MOB4: variants seen among roughly 807,000 people sequenced by gnomAD.
The protein encoded by MOB4 is MOB-like protein phocein.
A neutral mutation model predicts 32.2 loss-of-function variants in MOB4; 4 were observed. That is an observed-to-expected ratio of 0.12 (90% CI 0.06 to 0.28). The LOEUF is 0.28. Ranked by LOEUF, MOB4 falls within the 10% of genes least tolerant of loss-of-function variation. The pLI is 1.00. For synonymous variants in MOB4, 88 were observed against 88.1 expected, an observed-to-expected ratio of 1.00 and a Z score of 0.01; for missense variants, 158 against 271.2, an observed-to-expected ratio of 0.58 and a Z score of 2.93.
In MOB4 at chr2:197,550,606, A is replaced by T; in HGVS notation, c.638A>T (p.Glu213Val). ...KDNLIVPILEEEVQNSVSGES... is the reference protein window; with the variant it reads ...KDNLIVPILEVEVQNSVSGES... ...AACCTGATTGTACCAATTTTAGAAG[A>T]GGAAGTACAGAATTCAGTTTCTGGG... The change falls in exon 8 of 8, where the codon GAG (glutamate) becomes GTG (valine). Residue 213 changes from glutamate to valine, a missense_variant. Glu to Val is a moderately radical substitution (Grantham distance 121). Transcript: ENST00000323303. 6.2e-7 allele frequency: 1 copy of T among 1,605,646 alleles called. No individual in the cohort carries two copies.
chr2:197,533,657 G>A (rs897849291), intron 2 of MOB4: 2 of 224,614 alleles, frequency 8.9e-6, no homozygotes, highest in East Asian at 1.1e-4. Context: ...CCCGGCAGGC[G>A]GAGGTTGCAG....
At chr2:197,534,831 C>A (rs907281801) in intron 2 of MOB4, among the ~76,000 whole-genome samples, 1 of 152,106 alleles carries the variant, frequency 6.6e-6, no homozygotes, top group African/African-American at 2.4e-5. Flanking sequence ...GCATGAGCCC[C>A]GACGCCCGGC....
intron 5 of MOB4, 54 bp from the exon 6 acceptor site, chr2:197,548,282 C>A: frequency 6.7e-7 from 1 of 1,493,762 alleles, no homozygotes; most frequent in South Asian, 1.2e-5. Context: ...ATGAATATAT[C>A]TAACTTAAGA....
At position 197,541,178 on chromosome 2, in the gene MOB4, G is replaced by A. The variant is rs185555940; in HGVS notation, c.354+741G>A. ...AGTCTCCCAAAGTGCTGGGATTACAGGTGTGAACCACTGTGCCTGGCCTAC... is the reference window on the plus strand; with the variant it reads ...AGTCTCCCAAAGTGCTGGGATTACAAGTGTGAACCACTGTGCCTGGCCTAC... On this transcript the variant is annotated intron_variant, in intron 5 of 7. Coordinates refer to ENST00000323303, the MANE Select transcript of MOB4 (RefSeq NM_015387.5). 2.2e-3 allele frequency among the ~76,000 whole-genome samples: 342 copies of A among 152,100 alleles called. 1 individual carries two copies. The highest frequency in any genetic ancestry group is 8.0e-3 in the African/African-American group (334 of 41,504).
intron 5 of MOB4, 21 bp from the exon 6 acceptor site, chr2:197,548,315 T>A (rs758591936): frequency 6.3e-7 from 1 of 1,593,474 alleles, no homozygotes; most frequent in East Asian, 2.3e-5. Flanking sequence ...TTGATGCATT[T>A]CTATATTCTT....
intron 1 of MOB4, among the ~76,000 whole-genome samples, chr2:197,519,001 G>A (rs1455216554): frequency 6.6e-6 from 1 of 151,828 alleles, no homozygotes; most frequent in Non-Finnish European, 1.5e-5. Flanking sequence ...CTCGTGATCC[G>A]CCCGTCTCGG....
At chr2:197,546,701 A>G (rs2086999543) in intron 5 of MOB4, among the ~76,000 whole-genome samples, 1 of 152,200 alleles carries the variant, frequency 6.6e-6, no homozygotes, top group Non-Finnish European at 1.5e-5. Flanking sequence ...CATTGGGCCT[A>G]GAAAATTTAA....
chr2:197,530,462 G>A (rs2086681709), intron 2 of MOB4, among the ~76,000 whole-genome samples: 1 of 150,856 alleles, frequency 6.6e-6, no homozygotes, highest in African/African-American at 2.4e-5. Context: ...ATGTGGTCTC[G>A]CTATGTTGCC....
intron 5 of MOB4, among the ~76,000 whole-genome samples, chr2:197,546,904 AT>A (rs2087004662): frequency 6.6e-6 from 1 of 152,060 alleles, no homozygotes; most frequent in Non-Finnish European, 1.5e-5. Flanking sequence ...TGTTCTGTGT[AT>A]TATATAGTGT....
At position 197,539,060 on chromosome 2, in the gene MOB4, A is replaced by AT. The variant is rs201112705; in HGVS notation, c.225-1042dup. On this transcript the variant is annotated intron_variant, in intron 3 of 7. Coordinates refer to ENST00000323303, the MANE Select transcript of MOB4 (RefSeq NM_015387.5). Reference sequence around the variant, plus strand: ...TCCTGTTTTTTTCTTTTTTGGGGGGATTTTTTTTTGTCTTCTGATTATATA... The same window carrying AT: ...TCCTGTTTTTTTCTTTTTTGGGGGGATTTTTTTTTTGTCTTCTGATTATATA... 4.4e-4 allele frequency among the ~76,000 whole-genome samples: 66 copies of AT among 148,682 alleles called. No homozygotes were observed. The Middle Eastern group carries it at 0.01, about 23-fold the overall frequency.
At chr2:197,536,684 C>G (rs1350334494) in intron 3 of MOB4, among the ~76,000 whole-genome samples, 2 of 147,032 alleles carry the variant, frequency 1.4e-5, no homozygotes, top group African/African-American at 5.1e-5. Context: ...TCACCACAAC[C>G]TCTGCCTCCC....
Position 197,551,341 on chromosome 2 carries a change from G to T in MOB4, c.*695G>T, listed in dbSNP as rs1016204809. 2.6e-5 allele frequency: 4 copies of T among 152,672 alleles called. No homozygotes were observed. The highest frequency in any genetic ancestry group is 1.3e-4 in the Admixed American group (2 of 15,260). The allele number at this position is 152,672 out of a possible 1,614,324, so 9.5% of individuals were successfully genotyped here. A position where few individuals can be genotyped will look rare whatever the true frequency, so the allele number is the denominator to read the frequency against. On this transcript the variant is annotated 3_prime_UTR_variant, in exon 8 of 8. Transcript: ENST00000323303. ...TAAATTATTTTCCCACTGGAAACCT[G>T]CCCTGTCCACCCCTTCTCATTTCCC...
rs545817310 is a variant in MOB4, at chr2:197,533,927, C to CT, written c.124-1602dup. 1.3e-4 allele frequency: 80 copies of CT among 593,730 alleles called. No individual in the cohort carries two copies. In the East Asian group the frequency reaches 2.3e-3, roughly 17 times the overall value. The allele number at this position is 593,730 out of a possible 1,614,324, so 36.8% of individuals were successfully genotyped here. A position where few individuals can be genotyped will look rare whatever the true frequency, so the allele number is the denominator to read the frequency against. ...CTGAGTAATAAAATCAGGTACAACT[C>CT]TAAGAGGAGACATTGGAAAAGAACC... On this transcript the variant is annotated intron_variant, in intron 2 of 7. Transcript: ENST00000323303.
chr2:197,540,060 A>C (rs748189861), intron 3 of MOB4, 51 bp from the exon 4 acceptor site: 1 of 1,543,852 alleles, frequency 6.5e-7, no homozygotes, highest in Admixed American at 2.0e-5. Context: ...TATTCTAAAA[A>C]TTGCTGTGAA....
At position 197,516,154 on chromosome 2, in the gene MOB4, G is replaced by A. The variant is rs765512061; in HGVS notation, c.60+8G>A. ...CCGGGCACCAAGGCGCAGGTACCAT[G>A]TCTGCACTTTTCTTGTCGGGCAACT... On this transcript the variant is annotated splice_region_variant and intron_variant, in intron 1 of 7. Coordinates refer to ENST00000323303, the MANE Select transcript of MOB4 (RefSeq NM_015387.5). 9 of 1,598,582 alleles carry A rather than the reference G, an allele frequency of 5.6e-6. No homozygotes were observed. The East Asian group carries it at 1.8e-4, about 32-fold the overall frequency.
At chr2:197,545,905 A>T (rs190471528) in intron 5 of MOB4, among the ~76,000 whole-genome samples, 465 of 152,316 alleles carry the variant, frequency 3.1e-3, no homozygotes, top group African/African-American at 0.011. Flanking sequence ...TTTTAAGAGT[A>T]AATTTTAGTT....
At chr2:197,515,904 C>G, upstream of MOB4, 2 of 596,414 alleles carry the variant, frequency 3.4e-6, no homozygotes, top group Non-Finnish European at 5.7e-6. Flanking sequence ...TCCGGCTGTT[C>G]CTCGTTCGCC....
chr2:197,537,140 GGTAAATA>G (rs2086813924), intron 3 of MOB4, among the ~76,000 whole-genome samples: 2 of 152,106 alleles, frequency 1.3e-5, no homozygotes, highest in South Asian at 4.1e-4. Context: ...TCTTCTCTTT[GGTAAATA>G]GAGATTAATT....
intron 5 of MOB4, among the ~76,000 whole-genome samples, chr2:197,541,779 C>G (rs897009131): frequency 6.6e-6 from 1 of 151,866 alleles, no homozygotes; most frequent in African/African-American, 2.4e-5. Context: ...ATTAGCCGGG[C>G]GTAGTGGCGG....
Sources: gnomAD v4.1 joint callset for allele counts (sites outside exome capture counted in the v4.1 genomes callset) on GRCh38, gnomAD v4.1.1 for gene constraint, MANE v1.5 for transcripts, NCBI Gene and HGNC (gene_info 2026-07-23, HGNC 2026-07-21) for gene names.